Variants in ANO4 observed in about 807,000 individuals in gnomAD.
ANO4 encodes the protein anoctamin 4, also known as anoctamin-4.
Under a neutral mutation model 141.9 loss-of-function variants are expected in ANO4, and 69 were observed. That is an observed-to-expected ratio of 0.49 (90% CI 0.40 to 0.59). ANO4 has a LOEUF of 0.59. Ranked by LOEUF, ANO4 falls within the 20% of genes least tolerant of loss-of-function variation. ANO4 has a pLI of 0.00. For synonymous variants in ANO4, 350 were observed against 394.3 expected, an observed-to-expected ratio of 0.89 and a Z score of 1.33; for missense variants, 894 against 1,162.2, an observed-to-expected ratio of 0.77 and a Z score of 3.36.
chr12:101,015,722 G>T (rs1277438195), intron 8 of ANO4, among the ~76,000 whole-genome samples: 3 of 152,132 alleles, frequency 2.0e-5, no homozygotes, highest in East Asian at 3.9e-4. Context: ...TTGTATGTTT[G>T]CTCTCCCCCT....
At chr12:100,856,521 TA>T in intron 1 of ANO4, among the ~76,000 whole-genome samples, 1 of 152,216 alleles carries the variant, frequency 6.6e-6, no homozygotes, top group Middle Eastern at 3.4e-3. Context: ...TCAATATTTG[TA>T]AAATGGCAGG....
At position 101,111,734 on chromosome 12, in the gene ANO4, T is replaced by C. The variant is rs911083826; in HGVS notation, c.2450+24T>C. 2.1e-5 allele frequency: 32 copies of C among 1,552,864 alleles called. No homozygotes were observed. The East Asian group carries it at 7.5e-4, about 37-fold the overall frequency. On this transcript the variant is annotated intron_variant, in intron 24 of 27. Coordinates refer to ENST00000392977, the MANE Select transcript of ANO4 (RefSeq NM_001286615.2). Reference sequence around the variant, plus strand: ...AAGTAAGTTTGCTATAAAACCACTATACAGTTTCTATTTCCTAGCCATTTT... The same window carrying C: ...AAGTAAGTTTGCTATAAAACCACTACACAGTTTCTATTTCCTAGCCATTTT...
At chr12:101,050,673 G>A (rs866080694) in intron 14 of ANO4, among the ~76,000 whole-genome samples, 2 of 152,238 alleles carry the variant, frequency 1.3e-5, no homozygotes, top group Middle Eastern at 3.4e-3. Context: ...AATACTAAAT[G>A]TATATTGTAA....
At chr12:101,050,028 G>C (rs2047796374) in intron 14 of ANO4, among the ~76,000 whole-genome samples, 1 of 152,138 alleles carries the variant, frequency 6.6e-6, no homozygotes, top group African/African-American at 2.4e-5. Flanking sequence ...GAGGGCAGGA[G>C]GGAGGGAGAA....
At chr12:100,921,351 G>C (rs1323146688) in intron 2 of ANO4, among the ~76,000 whole-genome samples, 3 of 152,072 alleles carry the variant, frequency 2.0e-5, no homozygotes, top group African/African-American at 7.2e-5. Context: ...TTTGTATAAG[G>C]CTGAGTATAC....
intron 1 of ANO4, among the ~76,000 whole-genome samples, chr12:100,803,869 A>G (rs1483408339): frequency 6.6e-6 from 1 of 152,170 alleles, no homozygotes; most frequent in Admixed American, 6.5e-5. Context: ...TGTTATTACC[A>G]TGACTTGTCT....
At chr12:100,873,861 A>G (rs2039157675) in intron 1 of ANO4, among the ~76,000 whole-genome samples, 1 of 152,198 alleles carries the variant, frequency 6.6e-6, no homozygotes, top group South Asian at 2.1e-4. Context: ...AGCTCCTCCC[A>G]TCATAGGGTC....
chr12:101,111,019 G>A (rs2050643573), intron 23 of ANO4, among the ~76,000 whole-genome samples: 2 of 152,256 alleles, frequency 1.3e-5, no homozygotes, highest in South Asian at 4.1e-4. Context: ...AGCTGCCTGA[G>A]ATCAAAGACT....
Position 101,012,567 on chromosome 12 carries a change from G to T in ANO4, c.735-7467G>T, listed in dbSNP as rs189190988. Reference sequence around the variant, plus strand: ...AGGGTCAGAAAACAAATTCAATGTTGCTTGTTTACAATGAGCAAAGGGAAG... The same window carrying T: ...AGGGTCAGAAAACAAATTCAATGTTTCTTGTTTACAATGAGCAAAGGGAAG... On this transcript the variant is annotated intron_variant, in intron 8 of 27. Coordinates refer to ENST00000392977, the MANE Select transcript of ANO4 (RefSeq NM_001286615.2). Among the ~76,000 whole-genome samples the T allele has an allele frequency of 1.2e-3, 183 of 152,278 alleles. 1 individual carries two copies. The highest frequency in any genetic ancestry group is 3.7e-3 in the African/African-American group (155 of 41,568).
intron 3 of ANO4, among the ~76,000 whole-genome samples, chr12:100,930,179 A>T (rs2042032096): frequency 6.6e-6 from 1 of 152,050 alleles, no homozygotes; most frequent in African/African-American, 2.4e-5. Context: ...GAAGCTTTTT[A>T]ACTTGATGTG....
chr12:101,019,625 A>G lies in ANO4; in HGVS notation c.735-409A>G, dbSNP rs189666368. Among the ~76,000 whole-genome samples the G allele has an allele frequency of 3.2e-3, 481 of 152,306 alleles. 3 individuals carry two copies. The highest frequency in any genetic ancestry group is 0.011 in the African/African-American group (456 of 41,562). On this transcript the variant is annotated intron_variant, in intron 8 of 27. Transcript: ENST00000392977. The stretch of plus-strand genomic sequence containing the variant: ...TATCCACCACCCAAGCCAGTTTTAT[A>G]TCTTAAAATTTCTGAAAATCCATTG...
chr12:100,903,536 C>T (rs2040695358), intron 2 of ANO4, among the ~76,000 whole-genome samples: 1 of 152,164 alleles, frequency 6.6e-6, no homozygotes, highest in Non-Finnish European at 1.5e-5. Flanking sequence ...CCCTCTTCTT[C>T]CTTAAGCTTT....
intron 5 of ANO4, among the ~76,000 whole-genome samples, chr12:100,954,155 C>G (rs573619027): frequency 1.2e-3 from 181 of 152,294 alleles, no homozygotes; most frequent in Non-Finnish European, 2.1e-3. Flanking sequence ...TGCCTAGCCC[C>G]TCTTTCATTC....
chr12:100,966,272 T>G (rs2043648843), intron 5 of ANO4, among the ~76,000 whole-genome samples: 1 of 152,236 alleles, frequency 6.6e-6, no homozygotes, highest in Non-Finnish European at 1.5e-5. Context: ...TATGAGCACC[T>G]TAACGGCATT....
chr12:101,063,865 G>A (rs2136750240), intron 14 of ANO4, among the ~76,000 whole-genome samples: 1 of 141,204 alleles, frequency 7.1e-6, no homozygotes, highest in Non-Finnish European at 1.5e-5. Flanking sequence ...TATAGGATGT[G>A]TTATGATATC....
intron 1 of ANO4, among the ~76,000 whole-genome samples, chr12:100,851,289 T>C (rs2037858544): frequency 6.6e-6 from 1 of 152,160 alleles, no homozygotes; most frequent in Non-Finnish European, 1.5e-5. Context: ...TTATTATTAG[T>C]GAAGTAGAGT....
chr12:101,023,434 G>A (rs1377602738), intron 9 of ANO4, among the ~76,000 whole-genome samples: 1 of 152,186 alleles, frequency 6.6e-6, no homozygotes, highest in Non-Finnish European at 1.5e-5. Flanking sequence ...ACTTTGGGAG[G>A]CTGAGGCAGG....
At chr12:100,857,528 C>A (rs1386817525) in intron 1 of ANO4, among the ~76,000 whole-genome samples, 1 of 152,094 alleles carries the variant, frequency 6.6e-6, no homozygotes, top group Non-Finnish European at 1.5e-5. Flanking sequence ...CCAATGCAAA[C>A]CCTGAGGCAT....
intron 5 of ANO4, among the ~76,000 whole-genome samples, chr12:100,950,550 T>C (rs539784181): frequency 6.6e-6 from 1 of 152,210 alleles, no homozygotes; most frequent in South Asian, 2.1e-4. Flanking sequence ...TTCCTCAAGT[T>C]GTTGATGGGT....
Sources: gnomAD v4.1 joint callset for allele counts (sites outside exome capture counted in the v4.1 genomes callset) on GRCh38, gnomAD v4.1.1 for gene constraint, MANE v1.5 for transcripts, NCBI Gene and HGNC (gene_info 2026-07-23, HGNC 2026-07-21) for gene names.